The following ELP1 variants were observed in gnomAD, a reference collection of about 807,000 sequenced individuals.
ELP1 encodes the protein elongator acetyltransferase complex subunit 1, also known as elongator complex protein 1.
A neutral mutation model predicts 183.2 loss-of-function variants in ELP1; 131 were observed. That is an observed-to-expected ratio of 0.72 (90% CI 0.62 to 0.83). ELP1 has a LOEUF of 0.83. Ranked by LOEUF, ELP1 falls within the 40% of genes least tolerant of loss-of-function variation. The pLI is 0.00. For synonymous variants in ELP1, 555 were observed against 569.0 expected, an observed-to-expected ratio of 0.98 and a Z score of 0.35; for missense variants, 1,550 against 1,594.9, an observed-to-expected ratio of 0.97 and a Z score of 0.48.
chr9:108,887,101 C>T (rs1205455378), intron 29 of ELP1, among the ~76,000 whole-genome samples: 1 of 151,980 alleles, frequency 6.6e-6, no homozygotes, highest in African/African-American at 2.4e-5. Context: ...CCCAGCTACT[C>T]AGGAGGCTGA....
At chr9:108,896,387 G>A (rs1828547254) in intron 25 of ELP1, 109 bp downstream of exon 25, 2 of 971,906 alleles carry the variant, frequency 2.1e-6, no homozygotes, top group Admixed American at 3.6e-5. Flanking sequence ...CTCCAGCCCT[G>A]CACTCACAGA....
chr9:108,878,863 C>A, intron 33 of ELP1, 113 bp from the exon 34 acceptor site: 1 of 1,094,888 alleles, frequency 9.1e-7, no homozygotes, highest in African/African-American at 1.6e-5. Context: ...CACAACTTCA[C>A]AGATCTCCAT....
chr9:108,897,998 G>A (rs1044509764), intron 22 of ELP1, among the ~76,000 whole-genome samples: 2 of 152,216 alleles, frequency 1.3e-5, no homozygotes, highest in Non-Finnish European at 2.9e-5. Context: ...TGGTAGAGTG[G>A]ACTGATGTCT....
chr9:108,906,072 T>C (rs1052447276), intron 14 of ELP1, among the ~76,000 whole-genome samples: 5 of 152,232 alleles, frequency 3.3e-5, no homozygotes, highest in Non-Finnish European at 5.9e-5. Context: ...CTTTAAAAAG[T>C]TGCTTCATCT....
chr9:108,892,438 G>T (rs1828376016), intron 27 of ELP1, among the ~76,000 whole-genome samples: 1 of 152,208 alleles, frequency 6.6e-6, no homozygotes, highest in African/African-American at 2.4e-5. Flanking sequence ...GATGCTGGTG[G>T]CATGGTAGAG....
intron 32 of ELP1, among the ~76,000 whole-genome samples, 174 bp from the exon 33 acceptor site, chr9:108,879,731 A>C (rs1276071861): frequency 6.6e-6 from 1 of 152,240 alleles, no homozygotes; most frequent in African/African-American, 2.4e-5. Context: ...AGTAATTACT[A>C]ATGTAAATCA....
chr9:108,879,890 AAC>A (rs1827855380), intron 32 of ELP1, among the ~76,000 whole-genome samples, 160 bp downstream of exon 32: 1 of 152,158 alleles, frequency 6.6e-6, no homozygotes, highest in South Asian at 2.1e-4. Flanking sequence ...CCAACACACA[AAC>A]ACAGACACAG....
chr9:108,871,477 C>T (rs533038664), intron 36 of ELP1, among the ~76,000 whole-genome samples: 72 of 152,164 alleles, frequency 4.7e-4, no homozygotes, highest in Non-Finnish European at 7.9e-4. Context: ...CTTGTCCAAG[C>T]CTTCTTGTTG....
In ELP1 at chr9:108,929,995, C is replaced by G. The variant is rs1016507615; in HGVS notation, c.151-74G>C. 9 of 1,482,056 alleles carry G rather than the reference C, an allele frequency of 6.1e-6. No individual in the cohort carries two copies. In the Admixed American group the frequency reaches 8.4e-5, roughly 14 times the overall value. The allele number at this position is 1,482,056 out of a possible 1,614,324, so 91.8% of individuals were successfully genotyped here. ...ATAATTGATAACATTTCCAGAAATA[C>G]TTTTTAATGCTTCTTTTATTACATA... On this transcript the variant is annotated intron_variant, in intron 2 of 36. Transcript: ENST00000374647.
intron 36 of ELP1, among the ~76,000 whole-genome samples, chr9:108,874,498 G>T (rs1441408574): frequency 6.6e-6 from 1 of 152,108 alleles, no homozygotes; most frequent in East Asian, 1.9e-4. Context: ...TCATAAGCAA[G>T]GTTTATGAAA....
Position 108,889,366 on chromosome 9 carries a change from A to G in ELP1, c.3188T>C (p.Ile1063Thr), listed in dbSNP as rs754831171. 7.4e-6 allele frequency: 12 copies of G among 1,614,064 alleles called. No individual in the cohort carries two copies. The African/African-American group carries it at 1.2e-4, about 16-fold the overall frequency. The change falls in exon 29 of 37, where the codon ATT becomes ACT. Residue 1063 changes from isoleucine to threonine, a missense_variant. Physicochemically the swap from Ile to Thr is moderately conservative, Grantham distance 89. Transcript: ENST00000374647. The part of the protein sequence containing the change: ...AGKLVEQRKH[I>T]DAAMVLEECA... The stretch of plus-strand genomic sequence containing the variant: ...CTCTTCCAAAACCATGGCCGCATCA[A>G]TGTGCTTCCTCTGCTCAACCAGCTT...
At chr9:108,882,240 A>G in intron 29 of ELP1, 53 bp from the exon 30 acceptor site, 3 of 1,525,818 alleles carry the variant, frequency 2.0e-6, no homozygotes, top group Non-Finnish European at 2.7e-6. Flanking sequence ...GTCAGATGTC[A>G]TCACAGCCAA....
intron 22 of ELP1, among the ~76,000 whole-genome samples, chr9:108,897,656 C>A (rs1414307212): frequency 6.6e-6 from 1 of 152,156 alleles, no homozygotes; most frequent in Non-Finnish European, 1.5e-5. Context: ...CAGCTTTATG[C>A]AGAAGAGTAA....
chr9:108,917,683 T>C lies in ELP1; in HGVS notation c.741-13A>G, dbSNP rs1829499078. On this transcript the variant is annotated splice_polypyrimidine_tract_variant and intron_variant, in intron 8 of 36. Coordinates refer to ENST00000374647, the MANE Select transcript of ELP1 (RefSeq NM_003640.5). ...ACTGCCTGAGGGTCTTAAAGCAAAC[T>C]CAGAGTGTTACAATATCGAAAGCTC... 1 of 1,607,538 alleles carries C rather than the reference T, an allele frequency of 6.2e-7. No homozygotes were observed.
In ELP1 at chr9:108,916,274, T is replaced by C. The variant is rs371923882; in HGVS notation, c.888A>G (p.Ala296=). 4.3e-6 allele frequency: 7 copies of C among 1,613,990 alleles called. No homozygotes were observed. Among genetic ancestry groups the C allele is most frequent in the Non-Finnish European group, 5.9e-6 (7 of 1,179,940 alleles). The change falls in exon 10 of 37, where the codon GCA becomes GCG. Residue 296 remains alanine (A), a synonymous_variant. Coordinates refer to ENST00000374647, the MANE Select transcript of ELP1 (RefSeq NM_003640.5). Reference sequence around the variant, plus strand: ...GCCAGACTGCAAGCACAGAGGAATCTGCATTCCAGAGCAAGTCATTTACCT... The same window carrying C: ...GCCAGACTGCAAGCACAGAGGAATCCGCATTCCAGAGCAAGTCATTTACCT... ...EVKVNDLLWN[A]DSSVLAVWLE...
chr9:108,917,507 G>T (rs765782970), intron 9 of ELP1, 40 bp downstream of exon 9: 3 of 1,566,010 alleles, frequency 1.9e-6, no homozygotes, highest in South Asian at 2.2e-5. Context: ...GCTATGGAAA[G>T]TCCTCTACAT....
In ELP1 at chr9:108,868,314, T is replaced by C. The variant is rs1214738718; in HGVS notation, c.*801A>G. 1 of 159,622 alleles carries C rather than the reference T, an allele frequency of 6.3e-6. No individual in the cohort carries two copies. Among genetic ancestry groups the C allele is most frequent in the Non-Finnish European group, 1.4e-5 (1 of 73,360 alleles). 9.9% of individuals were successfully genotyped at this position (159,622 alleles called of 1,614,324 possible). On this transcript the variant is annotated 3_prime_UTR_variant, in exon 37 of 37. Coordinates refer to ENST00000374647, the MANE Select transcript of ELP1 (RefSeq NM_003640.5). ...ATAAAGAGAAGTCAGTAAAGTACCA[T>C]GACGAAAAATAAATGAAGTGGCCTA... is the stretch of plus-strand genomic sequence containing the variant.
rs1181527399 is a variant in ELP1 at position 108,912,261 on chromosome 9, T to C, written c.1189+3A>G. On this transcript the variant is annotated splice_donor_region_variant and intron_variant, in intron 11 of 36. Coordinates refer to ENST00000374647, the MANE Select transcript of ELP1 (RefSeq NM_003640.5). ...CTCATGGACACACTTCCCAGGAGCT[T>C]ACTTCCATCAATGACAGCCACATTG... is the stretch of plus-strand genomic sequence containing the variant. The C allele has an allele frequency of 1.2e-6, 2 of 1,612,480 alleles. No individual in the cohort carries two copies. The highest frequency in any genetic ancestry group is 1.7e-6 in the Non-Finnish European group (2 of 1,178,566).
At chr9:108,882,579 A>C (rs1235923922) in intron 29 of ELP1, among the ~76,000 whole-genome samples, 1 of 148,708 alleles carries the variant, frequency 6.7e-6, no homozygotes, top group East Asian at 2.0e-4. Flanking sequence ...GCAATCTTCT[A>C]AATTTTTTTT....
Sources: gnomAD v4.1 joint callset for allele counts (sites outside exome capture counted in the v4.1 genomes callset) on GRCh38, gnomAD v4.1.1 for gene constraint, MANE v1.5 for transcripts, NCBI Gene and HGNC (gene_info 2026-07-23, HGNC 2026-07-21) for gene names.